The following CDH13 variants were observed in gnomAD, a reference collection of about 807,000 sequenced individuals.
CDH13 encodes cadherin-13.
CDH13 carries 24 observed loss-of-function variants against 63.8 expected under a neutral mutation model. That is an observed-to-expected ratio of 0.38 (90% CI 0.27 to 0.53). The LOEUF is 0.53. Among genes scored for constraint, CDH13 ranks in the 20% least tolerant of loss-of-function variants. CDH13 has a pLI of 0.85. For synonymous variants in CDH13, 503 were observed against 355.3 expected, an observed-to-expected ratio of 1.42 and a Z score of -4.67; for missense variants, 1,049 against 903.1, an observed-to-expected ratio of 1.16 and a Z score of -2.07.
chr16:83,080,271 T>C (rs7190529), intron 3 of CDH13, among the ~76,000 whole-genome samples: 1,753 of 152,302 alleles, frequency 0.012, 29 homozygotes, highest in African/African-American at 0.041. Flanking sequence ...CAGCCAGCTG[T>C]TTGGTCCCAA....
At chr16:82,787,459 T>C (rs1352018563) in intron 1 of CDH13, among the ~76,000 whole-genome samples, 1 of 152,208 alleles carries the variant, frequency 6.6e-6, no homozygotes, top group African/African-American at 2.4e-5. Context: ...TGATACCAGA[T>C]AGTAGAGAAA....
intron 7 of CDH13, among the ~76,000 whole-genome samples, chr16:83,522,551 CAA>C (rs1359085723): frequency 3.3e-5 from 5 of 152,102 alleles, no homozygotes; most frequent in African/African-American, 7.2e-5. Context: ...TACAGGAAAA[CAA>C]AAATGGTCTG....
chr16:83,208,069 A>T (rs975183814), intron 4 of CDH13, among the ~76,000 whole-genome samples: 2 of 152,044 alleles, frequency 1.3e-5, no homozygotes, highest in Non-Finnish European at 2.9e-5. Flanking sequence ...GGATGATGGG[A>T]GCTCCATTTG....
chr16:82,697,847 T>G (rs1321123681), intron 1 of CDH13, among the ~76,000 whole-genome samples: 1 of 152,068 alleles, frequency 6.6e-6, no homozygotes, highest in Non-Finnish European at 1.5e-5. Context: ...GAATTTATAT[T>G]TGCACTGCTG....
At chr16:83,483,572 A>G (rs370615034) in intron 6 of CDH13, among the ~76,000 whole-genome samples, 2 of 151,930 alleles carry the variant, frequency 1.3e-5, no homozygotes, top group African/African-American at 2.4e-5. Context: ...GGCAGATTAA[A>G]TAGGGCACAA....
intron 4 of CDH13, among the ~76,000 whole-genome samples, chr16:83,211,383 A>G (rs1464390565): frequency 1.3e-5 from 2 of 152,252 alleles, no homozygotes; most frequent in Non-Finnish European, 2.9e-5. Flanking sequence ...ATGAATACAC[A>G]CATATACACA....
At chr16:83,515,407 A>G (rs1372467439) in intron 7 of CDH13, among the ~76,000 whole-genome samples, 2 of 152,256 alleles carry the variant, frequency 1.3e-5, no homozygotes, top group African/African-American at 4.8e-5. Context: ...GCAATAATAA[A>G]CAGTCAAGAC....
At chr16:83,071,290 C>G (rs1227458677) in intron 3 of CDH13, among the ~76,000 whole-genome samples, 1 of 152,156 alleles carries the variant, frequency 6.6e-6, no homozygotes, top group Non-Finnish European at 1.5e-5. Context: ...TTATTTAATC[C>G]TCACATAACC....
intron 4 of CDH13, among the ~76,000 whole-genome samples, chr16:83,208,658 T>C (rs1200567333): frequency 3.9e-5 from 6 of 152,214 alleles, no homozygotes; most frequent in Non-Finnish European, 8.8e-5. Context: ...CTTCATCCTC[T>C]AAAGACCAGT....
At chr16:82,969,151 G>T (rs1445157927) in intron 2 of CDH13, among the ~76,000 whole-genome samples, 3 of 152,114 alleles carry the variant, frequency 2.0e-5, no homozygotes, top group Admixed American at 2.0e-4. Flanking sequence ...TTAAAAATGT[G>T]TTAGAATCGA....
intron 1 of CDH13, among the ~76,000 whole-genome samples, chr16:82,819,785 A>G (rs1017655015): frequency 6.6e-6 from 1 of 152,226 alleles, no homozygotes; most frequent in East Asian, 1.9e-4. Flanking sequence ...ACATCAATGA[A>G]TAAATACGGC....
chr16:83,415,403 C>T (rs1414617183), intron 6 of CDH13, among the ~76,000 whole-genome samples: 1 of 152,122 alleles, frequency 6.6e-6, no homozygotes, highest in Non-Finnish European at 1.5e-5. Flanking sequence ...GTGACACTTC[C>T]AAACTCATTT....
chr16:83,776,433 C>T (rs1242586860), intron 11 of CDH13, among the ~76,000 whole-genome samples: 3 of 152,170 alleles, frequency 2.0e-5, no homozygotes, highest in Admixed American at 6.5e-5. Context: ...TGCGCTCTAA[C>T]GAAAGTTGAT....
chr16:82,817,526 G>A (rs1196551926), intron 1 of CDH13, among the ~76,000 whole-genome samples: 1 of 152,134 alleles, frequency 6.6e-6, no homozygotes, highest in African/African-American at 2.4e-5. Flanking sequence ...AATATAGAGT[G>A]GGTGCAGTGG....
chr16:82,654,097 A>C (rs887652437), intron 1 of CDH13, among the ~76,000 whole-genome samples: 9 of 152,248 alleles, frequency 5.9e-5, no homozygotes, highest in Admixed American at 5.9e-4. Flanking sequence ...CTCATTAGTC[A>C]TTGCAAAAAC....
intron 2 of CDH13, among the ~76,000 whole-genome samples, chr16:82,929,609 G>A (rs557946469): frequency 5.6e-5 from 7 of 124,506 alleles, no homozygotes; most frequent in South Asian, 2.7e-4. Flanking sequence ...CAAACGTCAC[G>A]CCACTGCACT....
chr16:83,216,768 A>C (rs2039546428), intron 4 of CDH13, among the ~76,000 whole-genome samples: 1 of 149,720 alleles, frequency 6.7e-6, no homozygotes, highest in Non-Finnish European at 1.5e-5. Flanking sequence ...GGGGTTATAT[A>C]CATATTATAT....
At chr16:83,251,646 G>C (rs1012280166) in intron 5 of CDH13, among the ~76,000 whole-genome samples, 1 of 152,224 alleles carries the variant, frequency 6.6e-6, no homozygotes, top group Non-Finnish European at 1.5e-5. Context: ...TCTCCTGCAG[G>C]ATGGTCTGTG....
intron 2 of CDH13, among the ~76,000 whole-genome samples, chr16:82,900,720 C>G (rs1274299329): frequency 6.6e-6 from 1 of 152,194 alleles, no homozygotes; most frequent in African/African-American, 2.4e-5. Flanking sequence ...AGAGGCGAGC[C>G]TGGGAGAGGC....
Sources: allele counts gnomAD v4.1 joint callset (sites outside exome capture counted in the v4.1 genomes callset), GRCh38; gene constraint gnomAD v4.1.1; transcripts MANE v1.5; gene names NCBI Gene and HGNC (gene_info 2026-07-23, HGNC 2026-07-21).